Variants in CSMD1 observed in about 807,000 individuals in gnomAD.
The protein encoded by CSMD1 is CUB and sushi domain-containing protein 1.
A neutral mutation model predicts 417.5 loss-of-function variants in CSMD1; 213 were observed. The observed-to-expected ratio is 0.51, with a 90% CI of 0.46 to 0.57. The LOEUF is 0.57. CSMD1 is among the 20% of genes least tolerant of loss of function. The probability of loss-of-function intolerance (pLI) is 0.00; values close to 1 mark genes in which losing one functional copy is unlikely to be tolerated. For synonymous variants in CSMD1, 2,862 were observed against 1,736.8 expected (o/e 1.65, Z -16.11); for missense variants, 6,923 against 4,529.7 (o/e 1.53, Z -15.17).
At chr8:4,627,439 C>G (rs546545213) in intron 2 of CSMD1, among the ~76,000 whole-genome samples, 36 of 152,140 alleles carry the variant, frequency 2.4e-4, no homozygotes, top group African/African-American at 8.7e-4. Flanking sequence ...GGATTTGATA[C>G]CTGAAGAAAA....
chr8:3,919,022 T>C lies in CSMD1; in HGVS notation c.818+78881A>G, dbSNP rs189124236. Among the ~76,000 whole-genome samples the C allele has an allele frequency of 1.8e-3, 273 of 152,064 alleles. 2 individuals are homozygous for C. Among genetic ancestry groups the C allele is most frequent in the Non-Finnish European group, 1.6e-3 (112 of 67,968 alleles). On this transcript the variant is annotated intron_variant, in intron 5 of 69. Coordinates refer to ENST00000635120, the MANE Select transcript of CSMD1 (RefSeq NM_033225.6). ...AAATACCACCTGCTCCAGAAACACC[T>C]ATGGAAATATTTTTAAAAAATATGT...
Position 4,438,220 on chromosome 8 carries a change from T to C in CSMD1, c.303-18155A>G, listed in dbSNP as rs147452291. ...ATCGATCTGCAAGAAACTCCTGAAA[T>C]AATCTCAACCCAAGCCGTCTTGTTT... is the stretch of plus-strand genomic sequence containing the variant. On this transcript the variant is annotated intron_variant, in intron 2 of 69. Transcript: ENST00000635120. 5.5e-3 allele frequency among the ~76,000 whole-genome samples: 832 copies of C among 152,174 alleles called. 4 individuals carry two copies. The highest frequency in any genetic ancestry group is 0.019 in the African/African-American group (779 of 41,520).
chr8:4,955,374 G>T (rs1305728839), intron 1 of CSMD1, among the ~76,000 whole-genome samples: 3 of 151,814 alleles, frequency 2.0e-5, no homozygotes, highest in Non-Finnish European at 4.4e-5. Context: ...TATTATGATT[G>T]GTGTCTTTCA....
chr8:3,210,211 A>G (rs1160312923), intron 30 of CSMD1, among the ~76,000 whole-genome samples: 1 of 152,136 alleles, frequency 6.6e-6, no homozygotes, highest in Non-Finnish European at 1.5e-5. Context: ...GGGATCCAAG[A>G]TGCACTACAG....
rs118039792 is a variant in CSMD1 at position 4,590,917 on chromosome 8, C to G, written c.302+46425G>C. On this transcript the variant is annotated intron_variant, in intron 2 of 69. Coordinates refer to ENST00000635120, the MANE Select transcript of CSMD1 (RefSeq NM_033225.6). ...CACATTTCTGTGATACAACAATGCT[C>G]TCAGGCCTTCTGAGCTCTGCTGAGT... Among the ~76,000 whole-genome samples the G allele has an allele frequency of 5.2e-3, 797 of 152,318 alleles. 48 individuals carry two copies. In the East Asian group the frequency reaches 0.13, roughly 25 times the overall value.
At chr8:4,749,834 T>G (rs991289855) in intron 1 of CSMD1, among the ~76,000 whole-genome samples, 6 of 152,056 alleles carry the variant, frequency 3.9e-5, no homozygotes, top group East Asian at 1.9e-4. Flanking sequence ...TGCTGGTAAT[T>G]TGGAAAGCCA....
In CSMD1 at chr8:4,371,421, C is replaced by T. The variant is rs118090468; in HGVS notation, c.415+48532G>A. On this transcript the variant is annotated intron_variant, in intron 3 of 69. Transcript: ENST00000635120. The stretch of plus-strand genomic sequence containing the variant: ...TTTTATTCTGTTTAATTCAAGTAAG[C>T]ATTAGGTTTTTAAGGAGGAAATGGA... 7.7e-4 allele frequency among the ~76,000 whole-genome samples: 117 copies of T among 152,200 alleles called. No homozygotes were observed. In the East Asian group the frequency reaches 0.02, roughly 26 times the overall value.
At chr8:4,629,669 T>G (rs1015758407) in intron 2 of CSMD1, among the ~76,000 whole-genome samples, 2 of 152,208 alleles carry the variant, frequency 1.3e-5, no homozygotes, top group African/African-American at 4.8e-5. Flanking sequence ...AGACAATATT[T>G]ATCATTTTTA....
At chr8:4,632,447 G>C (rs766746958) in intron 2 of CSMD1, among the ~76,000 whole-genome samples, 4 of 152,192 alleles carry the variant, frequency 2.6e-5, no homozygotes, top group East Asian at 1.9e-4. Context: ...GAGAGGAGGA[G>C]ATTGCAGTGA....
chr8:3,694,426 G>T (rs573887502), intron 7 of CSMD1, among the ~76,000 whole-genome samples: 1 of 152,290 alleles, frequency 6.6e-6, no homozygotes, highest in South Asian at 2.1e-4. Context: ...GGGAGTAACT[G>T]TGTCAGGCAG....
At chr8:3,056,748 G>A (rs1812255628) in intron 49 of CSMD1, among the ~76,000 whole-genome samples, 1 of 137,962 alleles carries the variant, frequency 7.2e-6, no homozygotes, top group African/African-American at 2.8e-5. Context: ...ATATGAATAT[G>A]TATATATAAC....
At chr8:4,433,122 T>A (rs996049628) in intron 2 of CSMD1, among the ~76,000 whole-genome samples, 2 of 152,236 alleles carry the variant, frequency 1.3e-5, no homozygotes, top group African/African-American at 4.8e-5. Context: ...CAGATGGGAC[T>A]GACCAGTTGC....
intron 5 of CSMD1, among the ~76,000 whole-genome samples, chr8:3,779,026 T>G (rs34402072): frequency 4.6e-5 from 7 of 152,216 alleles, no homozygotes; most frequent in African/African-American, 1.7e-4. Flanking sequence ...ACCAGAATAT[T>G]TGCATGATCA....
rs187886258 is a variant in CSMD1, at chr8:3,303,965, T to A, written c.3950+3730A>T. 2.6e-5 allele frequency among the ~76,000 whole-genome samples: 4 copies of A among 151,756 alleles called. No homozygotes were observed. The East Asian group carries it at 7.8e-4, about 29-fold the overall frequency. On this transcript the variant is annotated intron_variant, in intron 25 of 69. Coordinates refer to ENST00000635120, the MANE Select transcript of CSMD1 (RefSeq NM_033225.6). The stretch of plus-strand genomic sequence containing the variant: ...TTGCGCCCCATTATAATAACTATTT[T>A]GGGGTATTCGATTACCTCAAACAAA...
At chr8:4,973,722 T>C (rs4875423) in intron 1 of CSMD1, among the ~76,000 whole-genome samples, 38,801 of 152,166 alleles carry the variant, frequency 0.25, 6,279 homozygotes, top group Non-Finnish European at 0.37. Context: ...GTTGTGATAA[T>C]AGACTTGCTG....
chr8:3,998,218 C>T, intron 4 of CSMD1, 108 bp from the exon 5 acceptor site: 2 of 916,320 alleles, frequency 2.2e-6, no homozygotes, highest in Non-Finnish European at 3.3e-6. Context: ...TTTCTGAACC[C>T]AAAATTGAGA....
chr8:2,978,894 A>G (rs1335670913), intron 54 of CSMD1, 94 bp from the exon 55 acceptor site: 14 of 1,120,158 alleles, frequency 1.2e-5, no homozygotes, highest in Non-Finnish European at 1.7e-5. Context: ...ATCATTTTAG[A>G]AAGTTCAAAA....
chr8:3,709,208 T>A (rs145464971), intron 6 of CSMD1, among the ~76,000 whole-genome samples: 1 of 151,948 alleles, frequency 6.6e-6, no homozygotes, highest in Non-Finnish European at 1.5e-5. Flanking sequence ...CTTGTGATTA[T>A]AGAATATAAA....
intron 2 of CSMD1, among the ~76,000 whole-genome samples, chr8:4,492,856 A>G (rs1361173550): frequency 1.3e-5 from 2 of 152,244 alleles, no homozygotes; most frequent in Non-Finnish European, 2.9e-5. Context: ...TTTGTTATAC[A>G]GAACATGCTT....
Sources: gnomAD v4.1 joint callset for allele counts (sites outside exome capture counted in the v4.1 genomes callset) on GRCh38, gnomAD v4.1.1 for gene constraint, MANE v1.5 for transcripts, NCBI Gene and HGNC (gene_info 2026-07-23, HGNC 2026-07-21) for gene names.